The following LRP1B variants were observed in gnomAD, a reference collection of about 807,000 sequenced individuals.
The protein encoded by LRP1B is low-density lipoprotein receptor-related protein 1B.
A neutral mutation model predicts 556.6 loss-of-function variants in LRP1B; 217 were observed. That is an observed-to-expected ratio of 0.39 (90% CI 0.35 to 0.44). The LOEUF (loss-of-function observed/expected upper bound fraction) is 0.44, where lower values mean the gene tolerates loss of function less well. Ranked by LOEUF, LRP1B falls within the 20% of genes least tolerant of loss-of-function variation. The pLI is 1.00. For synonymous variants in LRP1B, 2,047 were observed against 1,865.8 expected (o/e 1.10, Z -2.50); for missense variants, 5,053 against 5,620.8 (o/e 0.90, Z 3.23).
intron 6 of LRP1B, among the ~76,000 whole-genome samples, chr2:141,228,497 A>AGT (rs1028499977): frequency 1.3e-5 from 2 of 149,362 alleles, no homozygotes; most frequent in African/African-American, 2.5e-5. Flanking sequence ...TGTGTGTATG[A>AGT]GTGTGTGTGT....
intron 4 of LRP1B, among the ~76,000 whole-genome samples, chr2:141,247,764 C>G (rs1185151001): frequency 6.6e-6 from 1 of 152,068 alleles, no homozygotes; most frequent in Non-Finnish European, 1.5e-5. Flanking sequence ...GAGTTCTGAG[C>G]CACACTATGC....
intron 1 of LRP1B, among the ~76,000 whole-genome samples, chr2:141,977,001 T>C (rs1701904749): frequency 6.6e-6 from 1 of 152,186 alleles, no homozygotes; most frequent in African/African-American, 2.4e-5. Flanking sequence ...TTTTGAACCT[T>C]GGAATATTTC....
intron 3 of LRP1B, among the ~76,000 whole-genome samples, chr2:141,365,217 T>TTTTGTTTG (rs57017548): frequency 6.6e-6 from 1 of 151,946 alleles, no homozygotes; most frequent in Admixed American, 6.6e-5. Flanking sequence ...GATGCATCTT[T>TTTTGTTTG]TTTGTTTGTT....
chr2:141,714,059 A>G lies in LRP1B; in HGVS notation c.205+96220T>C, dbSNP rs115404714. Among the ~76,000 whole-genome samples the G allele has an allele frequency of 4.2e-3, 634 of 152,228 alleles. 3 individuals carry two copies. Among genetic ancestry groups the G allele is most frequent in the African/African-American group, 0.014 (596 of 41,548 alleles). ...GTCATTACTTTATGTTTATTCCAGT[A>G]TCTTTCCTTCTTTTTTTCATCTGCA... is the stretch of plus-strand genomic sequence containing the variant. On this transcript the variant is annotated intron_variant, in intron 2 of 90. Transcript: ENST00000389484.
At chr2:140,589,734 G>A (rs1229265741) in intron 43 of LRP1B, among the ~76,000 whole-genome samples, 1 of 152,122 alleles carries the variant, frequency 6.6e-6, no homozygotes, top group Non-Finnish European at 1.5e-5. Flanking sequence ...GTTTCTTAAA[G>A]TTTCTTTATA....
At chr2:141,501,638 A>G (rs1483314752) in intron 2 of LRP1B, among the ~76,000 whole-genome samples, 1 of 152,202 alleles carries the variant, frequency 6.6e-6, no homozygotes, top group African/African-American at 2.4e-5. Context: ...CCTTGAGATC[A>G]GTGGTAAGCT....
At chr2:141,959,362 T>C (rs1232415242) in intron 1 of LRP1B, among the ~76,000 whole-genome samples, 2 of 151,986 alleles carry the variant, frequency 1.3e-5, no homozygotes, top group African/African-American at 4.8e-5. Flanking sequence ...ACTAATATTG[T>C]CACATACTAA....
chr2:140,372,150 A>G (rs1683026771), intron 69 of LRP1B, among the ~76,000 whole-genome samples: 1 of 152,050 alleles, frequency 6.6e-6, no homozygotes, highest in Admixed American at 6.6e-5. Flanking sequence ...ATGACTTTGT[A>G]GTCTGAATTC....
intron 2 of LRP1B, among the ~76,000 whole-genome samples, chr2:141,550,889 T>C (rs1183837663): frequency 6.6e-6 from 1 of 152,126 alleles, no homozygotes. Flanking sequence ...ATATGCCATA[T>C]ATTATTAATT....
intron 11 of LRP1B, among the ~76,000 whole-genome samples, chr2:141,032,826 C>CATACATATATATATATATATAT: frequency 2.4e-5 from 3 of 126,614 alleles, no homozygotes; most frequent in African/African-American, 6.1e-5. Flanking sequence ...TATATACATA[C>CATACATATATATATATATATAT]ATATATATAT....
chr2:141,185,438 A>G lies in LRP1B; in HGVS notation c.1013+2983T>C, dbSNP rs183641086. Among the ~76,000 whole-genome samples, 42 of 152,216 alleles carry G rather than the reference A, an allele frequency of 2.8e-4. 1 individual carries two copies. Among genetic ancestry groups the G allele is most frequent in the African/African-American group, 9.4e-4 (39 of 41,568 alleles). On this transcript the variant is annotated intron_variant, in intron 7 of 90. Transcript: ENST00000389484. ...AGAAATAATTTCGGAAAGTTTTCCA[A>G]GGAACTATTGAAAGGAAATGTTGCT...
At chr2:140,561,399 C>G (rs1680925566) in intron 43 of LRP1B, among the ~76,000 whole-genome samples, 1 of 152,194 alleles carries the variant, frequency 6.6e-6, no homozygotes. Flanking sequence ...CATATTTCTA[C>G]ATGGCTGTCC....
intron 1 of LRP1B, among the ~76,000 whole-genome samples, chr2:141,828,664 G>A (rs985881069): frequency 3.3e-5 from 5 of 152,048 alleles, no homozygotes; most frequent in African/African-American, 1.2e-4. Context: ...CTTCAATCTA[G>A]TCAAAGCTGA....
intron 35 of LRP1B, among the ~76,000 whole-genome samples, chr2:140,757,110 A>G (rs1688765693): frequency 6.6e-6 from 1 of 152,236 alleles, no homozygotes. Context: ...AACCACAATG[A>G]GATACCACTT....
chr2:141,307,966 G>T (rs887845928), intron 3 of LRP1B, among the ~76,000 whole-genome samples: 2 of 152,104 alleles, frequency 1.3e-5, no homozygotes, highest in African/African-American at 2.4e-5. Context: ...TGGCTGTGAT[G>T]GGCTGGGTAA....
chr2:140,702,617 A>C, intron 37 of LRP1B, 64 bp from the exon 38 acceptor site: 4 of 1,475,850 alleles, frequency 2.7e-6, no homozygotes, highest in Non-Finnish European at 3.8e-6. Flanking sequence ...AGAGCTATGC[A>C]AAAAGACATT....
chr2:141,091,223 G>A (rs373776402), intron 7 of LRP1B, among the ~76,000 whole-genome samples: 11 of 152,192 alleles, frequency 7.2e-5, no homozygotes, highest in African/African-American at 2.6e-4. Context: ...CCATTTGAAG[G>A]ACTTTGGCTT....
chr2:141,232,881 C>CGA (rs1558949556), intron 5 of LRP1B, among the ~76,000 whole-genome samples: 2 of 152,112 alleles, frequency 1.3e-5, no homozygotes, highest in South Asian at 2.1e-4. Flanking sequence ...CACTGAAACA[C>CGA]GAGAAACCAC....
intron 79 of LRP1B, among the ~76,000 whole-genome samples, chr2:140,330,976 C>G (rs112607185): frequency 1.3e-5 from 2 of 152,174 alleles, no homozygotes; most frequent in African/African-American, 4.8e-5. Flanking sequence ...CTCAGCATCA[C>G]TGATTATTAG....
Sources: allele counts gnomAD v4.1 joint callset (sites outside exome capture counted in the v4.1 genomes callset), GRCh38; gene constraint gnomAD v4.1.1; transcripts MANE v1.5; gene names NCBI Gene and HGNC (gene_info 2026-07-23, HGNC 2026-07-21).